The following MID1 variants were observed in gnomAD, a reference collection of about 807,000 sequenced individuals.
MID1 encodes the protein midline 1.
Under a neutral mutation model 40.4 loss-of-function variants are expected in MID1, and 7 were observed. The observed-to-expected ratio is 0.17, with a 90% CI of 0.10 to 0.33. MID1 has a LOEUF of 0.33. MID1 is among the 10% of genes least tolerant of loss of function. MID1 has a pLI of 1.00. For missense variants in MID1, 367 were observed against 558.5 expected (o/e 0.66, Z 3.46); for synonymous variants, 229 against 221.2 (o/e 1.04, Z -0.31).
chrX:10,635,316 A>T (rs961461746), intron 1 of MID1, among the ~76,000 whole-genome samples: 14 of 112,145 alleles, frequency 1.2e-4, no homozygotes, highest in African/African-American at 4.2e-4. Flanking sequence ...TACCATTATG[A>T]TTACACTTGA....
intron 1 of MID1, among the ~76,000 whole-genome samples, chrX:10,685,325 AGT>A (rs1178558450): frequency 1.8e-5 from 2 of 111,962 alleles, no homozygotes; most frequent in African/African-American, 6.5e-5. Context: ...TCTGTCTCTC[AGT>A]CACATTCTCC....
At chrX:10,729,598 T>G (rs1395550925) in intron 1 of MID1, among the ~76,000 whole-genome samples, 1 of 112,320 alleles carries the variant, frequency 8.9e-6, no homozygotes. Context: ...GCTTCTGTGA[T>G]TATTTATAAA....
intron 1 of MID1, among the ~76,000 whole-genome samples, chrX:10,591,995 G>A (rs1218335755): frequency 9.0e-6 from 1 of 110,543 alleles, no homozygotes; most frequent in Non-Finnish European, 1.9e-5. Context: ...ATGATCGAGC[G>A]TCTTTAGGGT....
chrX:10,786,935 C>T (rs1217879423), intron 1 of MID1, among the ~76,000 whole-genome samples: 1 of 109,121 alleles, frequency 9.2e-6, no homozygotes, highest in Non-Finnish European at 1.9e-5. Context: ...ATGTAACTAA[C>T]CTGCACGTTG....
At chrX:10,826,907 T>C (rs149611705) in intron 1 of MID1, among the ~76,000 whole-genome samples, 1,145 of 111,885 alleles carry the variant, frequency 0.01, 21 homozygotes, top group African/African-American at 0.035. Context: ...CTCTTTCTTC[T>C]TTTTCTCTTT....
At chrX:10,569,100 C>A (rs1934653961) in intron 1 of MID1, among the ~76,000 whole-genome samples, 1 of 112,132 alleles carries the variant, frequency 8.9e-6, no homozygotes, top group Non-Finnish European at 1.9e-5. Flanking sequence ...TTACAAAATT[C>A]ACGGTTTCTA....
rs947956897 is a variant in MID1 at position 10,570,133 on chromosome X, C to G, written c.-56-2530G>C. On this transcript the variant is annotated intron_variant, in intron 1 of 9. Coordinates refer to ENST00000317552, the MANE Select transcript of MID1 (RefSeq NM_000381.4). ...CAGCCCCAGAAAACACAGACTCAGA[C>G]AGTGAGCTCACTTCCTCCCACGCTA... is the stretch of plus-strand genomic sequence containing the variant. 6.3e-5 allele frequency among the ~76,000 whole-genome samples: 7 copies of G among 111,923 alleles called. No individual in the cohort carries two copies. The Admixed American group carries it at 6.6e-4, about 11-fold the overall frequency.
At chrX:10,791,822 T>C (rs2043933714) in intron 1 of MID1, among the ~76,000 whole-genome samples, 1 of 111,719 alleles carries the variant, frequency 9.0e-6, no homozygotes, top group South Asian at 3.8e-4. Flanking sequence ...CAATATGATA[T>C]TTGCAATACT....
chrX:10,738,443 T>C, intron 1 of MID1, among the ~76,000 whole-genome samples: 1 of 111,430 alleles, frequency 9.0e-6, no homozygotes, highest in African/African-American at 3.3e-5. Flanking sequence ...GAAAAACAAA[T>C]GACAACAGCT....
chrX:10,547,610 A>AGGGAGGGAGGGGGGGG (rs1933742094), intron 2 of MID1, among the ~76,000 whole-genome samples: 1 of 94,979 alleles, frequency 1.1e-5, no homozygotes, highest in African/African-American at 4.1e-5. Flanking sequence ...GAAAGAAGGG[A>AGGGAGGGAGGGGGGGG]GGGTAAAGAA....
At chrX:10,698,038 C>G (rs929128951) in intron 1 of MID1, among the ~76,000 whole-genome samples, 3 of 112,493 alleles carry the variant, frequency 2.7e-5, no homozygotes, top group African/African-American at 9.7e-5. Context: ...TGGGCTTCCC[C>G]AATTATTTCT....
At chrX:10,791,560 C>T (rs1369365915) in intron 1 of MID1, among the ~76,000 whole-genome samples, 1 of 111,855 alleles carries the variant, frequency 8.9e-6, no homozygotes. Flanking sequence ...GCAGTTGGCA[C>T]TGGCAGAAAA....
chrX:10,497,962 G>C (rs1569069784), intron 3 of MID1, among the ~76,000 whole-genome samples: 1 of 112,483 alleles, frequency 8.9e-6, no homozygotes, highest in African/African-American at 3.2e-5. Context: ...TCCAAGAAGA[G>C]ACAGGGCAAA....
At chrX:10,477,084 C>T (rs1187948196) in intron 5 of MID1, among the ~76,000 whole-genome samples, 2 of 112,238 alleles carry the variant, frequency 1.8e-5, no homozygotes, top group Non-Finnish European at 3.8e-5. Flanking sequence ...CATTTGAACC[C>T]TTAAAAGATA....
intron 1 of MID1, among the ~76,000 whole-genome samples, chrX:10,790,297 C>T (rs1014964013): frequency 5.3e-4 from 58 of 109,571 alleles, no homozygotes; most frequent in Non-Finnish European, 9.7e-4. Flanking sequence ...GGTCCCACCA[C>T]GCCCAGGTAA....
chrX:10,744,144 G>C (rs774851190), intron 1 of MID1, among the ~76,000 whole-genome samples: 1 of 111,660 alleles, frequency 9.0e-6, no homozygotes, highest in East Asian at 2.8e-4. Flanking sequence ...CATCGGCCAT[G>C]ATAGCTCTGC....
chrX:10,465,214 T>TATATATATATATACACACAC (rs1477864693), intron 7 of MID1, among the ~76,000 whole-genome samples: 6 of 39,898 alleles, frequency 1.5e-4, no homozygotes, highest in Non-Finnish European at 2.5e-4. Context: ...TATATATATA[T>TATATATATATATACACACAC]ACACACACAC....
intron 3 of MID1, among the ~76,000 whole-genome samples, chrX:10,512,230 G>A (rs1254941397): frequency 8.9e-6 from 1 of 112,452 alleles, no homozygotes; most frequent in Non-Finnish European, 1.9e-5. Context: ...TACTGGCACT[G>A]CAGATGTACA....
At chrX:10,771,800 C>G (rs868507975) in intron 1 of MID1, among the ~76,000 whole-genome samples, 1 of 109,099 alleles carries the variant, frequency 9.2e-6, no homozygotes, top group Non-Finnish European at 1.9e-5. Flanking sequence ...TGAGCCACCG[C>G]GCCCGGCCAC....
Sources: allele counts gnomAD v4.1 joint callset (sites outside exome capture counted in the v4.1 genomes callset), GRCh38; gene constraint gnomAD v4.1.1; transcripts MANE v1.5; gene names NCBI Gene and HGNC (gene_info 2026-07-23, HGNC 2026-07-21).